PRELID2: variants seen among roughly 807,000 people sequenced by gnomAD.
The protein encoded by PRELID2 is PRELI domain-containing protein 2.
Under a neutral mutation model 28.4 loss-of-function variants are expected in PRELID2, and 25 were observed. That is an observed-to-expected ratio of 0.88 (90% CI 0.64 to 1.23). PRELID2 has a LOEUF of 1.23. Among genes scored for constraint, PRELID2 ranks in the 50% most tolerant of loss-of-function variants. PRELID2 has a pLI of 0.00. For synonymous variants in PRELID2, 76 were observed against 71.6 expected, an observed-to-expected ratio of 1.06 and a Z score of -0.31; for missense variants, 201 against 214.4, an observed-to-expected ratio of 0.94 and a Z score of 0.39.
intron 1 of PRELID2, among the ~76,000 whole-genome samples, chr5:145,510,334 C>CT (rs1752450209): frequency 6.6e-6 from 1 of 152,164 alleles, no homozygotes; most frequent in Admixed American, 6.5e-5. Flanking sequence ...TTAAACAAGA[C>CT]TTTTTTCTCT....
intron 4 of PRELID2, among the ~76,000 whole-genome samples, chr5:145,801,844 T>C (rs1049450381): frequency 2.0e-5 from 3 of 152,196 alleles, no homozygotes; most frequent in African/African-American, 7.2e-5. Context: ...AGTCACCTGA[T>C]TGTGCTTATT....
At chr5:145,475,510 G>A (rs911255710) in intron 1 of PRELID2, among the ~76,000 whole-genome samples, 7 of 152,010 alleles carry the variant, frequency 4.6e-5, no homozygotes, top group African/African-American at 1.4e-4. Context: ...ATTCTCAAAC[G>A]CAGTTCTTAC....
chr5:145,334,473 G>A, the PRELID2 span, among the ~76,000 whole-genome samples: 2 of 151,868 alleles, frequency 1.3e-5, no homozygotes, highest in Admixed American at 1.3e-4. Context: ...CTTTTAACTT[G>A]TATACTATAG....
the PRELID2 span, among the ~76,000 whole-genome samples, chr5:145,249,331 T>G: frequency 3.3e-5 from 5 of 152,132 alleles, no homozygotes; most frequent in African/African-American, 1.2e-4. Context: ...CCATTATTAT[T>G]AGTTGATAAG....
At chr5:145,363,132 A>C in the PRELID2 span, among the ~76,000 whole-genome samples, 5 of 150,682 alleles carry the variant, frequency 3.3e-5, no homozygotes, top group East Asian at 3.9e-4. Flanking sequence ...AAAAAAAAAA[A>C]CAGAGAAAAT....
the PRELID2 span, among the ~76,000 whole-genome samples, chr5:145,233,021 A>C: frequency 6.6e-6 from 1 of 151,854 alleles, no homozygotes; most frequent in Non-Finnish European, 1.5e-5. Context: ...ACATATATAG[A>C]TATTTATACT....
At chr5:145,635,412 T>C (rs1040146111) in intron 1 of PRELID2, among the ~76,000 whole-genome samples, 7 of 152,146 alleles carry the variant, frequency 4.6e-5, no homozygotes, top group African/African-American at 1.7e-4. Context: ...TAATATTTAA[T>C]ATAATATATA....
intron 1 of PRELID2, among the ~76,000 whole-genome samples, chr5:145,537,011 T>C (rs1752705353): frequency 6.6e-6 from 1 of 151,906 alleles, no homozygotes; most frequent in South Asian, 2.1e-4. Context: ...AAGTATTATC[T>C]ACATACTAGA....
At chr5:145,246,401 G>T in the PRELID2 span, among the ~76,000 whole-genome samples, 2 of 151,990 alleles carry the variant, frequency 1.3e-5, no homozygotes, top group Non-Finnish European at 2.9e-5. Flanking sequence ...TTCAAATGGG[G>T]GAAGAGAGTG....
the PRELID2 span, among the ~76,000 whole-genome samples, chr5:145,245,468 G>T: frequency 6.6e-6 from 1 of 151,848 alleles, no homozygotes; most frequent in Admixed American, 6.6e-5. Flanking sequence ...ATTACACTTG[G>T]TTTTGCTGTG....
the PRELID2 span, among the ~76,000 whole-genome samples, chr5:145,263,221 A>G: frequency 2.6e-5 from 4 of 152,198 alleles, no homozygotes; most frequent in African/African-American, 7.2e-5. Context: ...TGAGATAGAT[A>G]GCAACACAAT....
At chr5:145,343,621 G>T in the PRELID2 span, among the ~76,000 whole-genome samples, 1 of 151,390 alleles carries the variant, frequency 6.6e-6, no homozygotes, top group Non-Finnish European at 1.5e-5. Context: ...AGAAAAACAA[G>T]ATCAAACCAT....
the PRELID2 span, among the ~76,000 whole-genome samples, chr5:145,357,142 C>A: frequency 1.3e-5 from 2 of 152,054 alleles, no homozygotes; most frequent in Admixed American, 1.3e-4. Flanking sequence ...TGTAGGTGAC[C>A]TGCCCCTTCT....
At chr5:145,525,873 C>T (rs1752601864) in intron 1 of PRELID2, among the ~76,000 whole-genome samples, 1 of 152,134 alleles carries the variant, frequency 6.6e-6, no homozygotes, top group South Asian at 2.1e-4. Context: ...CAATGAAGGC[C>T]AAACTCCGAA....
In PRELID2 at chr5:145,735,930, T is replaced by A. The variant is rs566143697; in HGVS notation, n.70+29001A>T. Among the ~76,000 whole-genome samples, 102 of 152,310 alleles carry A rather than the reference T, an allele frequency of 6.7e-4. 1 individual carries two copies. The South Asian group carries it at 0.02, about 30-fold the overall frequency. Reference sequence around the variant, plus strand: ...AAACAATCTTACTCGGCGCTCTCTCTGAAGTGAGTAGAATTTTAGCTCATC... The same window carrying A: ...AAACAATCTTACTCGGCGCTCTCTCAGAAGTGAGTAGAATTTTAGCTCATC... On this transcript the variant is annotated intron_variant and non_coding_transcript_variant, in intron 1 of 2. Coordinates refer to the PRELID2 transcript ENST00000510259.
At chr5:145,825,713 G>C (rs1248132411) in intron 1 of PRELID2, among the ~76,000 whole-genome samples, 3 of 152,090 alleles carry the variant, frequency 2.0e-5, no homozygotes, top group African/African-American at 7.2e-5. Flanking sequence ...ATAATTTTTG[G>C]AGTTGAACAG....
the PRELID2 span, among the ~76,000 whole-genome samples, chr5:145,313,608 G>T: frequency 6.6e-6 from 1 of 152,194 alleles, no homozygotes; most frequent in African/African-American, 2.4e-5. Context: ...GCAGCAGACG[G>T]ACTGGAAGGT....
chr5:145,383,919 T>C, the PRELID2 span, among the ~76,000 whole-genome samples: 5 of 152,120 alleles, frequency 3.3e-5, no homozygotes, highest in South Asian at 1.0e-3. Context: ...TATATGTATG[T>C]ATGTGTGTGT....
At chr5:145,788,601 C>T (rs1196936336) in intron 5 of PRELID2, among the ~76,000 whole-genome samples, 1 of 152,118 alleles carries the variant, frequency 6.6e-6, no homozygotes. Context: ...AGACAACTAT[C>T]TCAAAAGAAG....
Sources: gnomAD v4.1 joint callset for allele counts (sites outside exome capture counted in the v4.1 genomes callset) on GRCh38, gnomAD v4.1.1 for gene constraint, MANE v1.5 for transcripts, NCBI Gene and HGNC (gene_info 2026-07-23, HGNC 2026-07-21) for gene names.